Variants in DENND1A observed in about 807,000 individuals in gnomAD.
The protein encoded by DENND1A is DENN domain containing 1A.
Under a neutral mutation model 113.7 loss-of-function variants are expected in DENND1A, and 51 were observed. The ratio of observed to expected loss-of-function variants is 0.45; its 90% CI spans 0.36 to 0.57. The LOEUF is 0.57. Ranked by LOEUF, DENND1A falls within the 20% of genes least tolerant of loss-of-function variation. The pLI is 0.00. For synonymous variants in DENND1A, 565 were observed against 570.8 expected, an observed-to-expected ratio of 0.99 and a Z score of 0.14; for missense variants, 1,258 against 1,395.9, an observed-to-expected ratio of 0.90 and a Z score of 1.57.
intron 19 of DENND1A, among the ~76,000 whole-genome samples, chr9:123,420,429 AG>A (rs140172906): frequency 0.048 from 7,254 of 152,194 alleles, 229 homozygotes; most frequent in Middle Eastern, 0.078. Flanking sequence ...GAGGGGGATG[AG>A]GGGGTGCTCA....
At chr9:123,740,915 A>AGAGAGAGG (rs2068963854) in intron 5 of DENND1A, among the ~76,000 whole-genome samples, 1 of 142,818 alleles carries the variant, frequency 7.0e-6, no homozygotes, top group Non-Finnish European at 1.5e-5. Flanking sequence ...AGAGAGAGAG[A>AGAGAGAGG]GAGAGAGAGA....
intron 1 of DENND1A, among the ~76,000 whole-genome samples, chr9:123,890,036 T>C (rs1233685372): frequency 1.3e-5 from 2 of 152,096 alleles, no homozygotes; most frequent in African/African-American, 4.8e-5. Flanking sequence ...CAGTCAGTAA[T>C]AAAGTGAACA....
Position 123,779,645 on chromosome 9 carries a change from G to A in DENND1A, c.133-10082C>T, listed in dbSNP as rs1217718841. Among the ~76,000 whole-genome samples, 5 of 152,056 alleles carry A rather than the reference G, an allele frequency of 3.3e-5. No homozygotes were observed. In the East Asian group the frequency reaches 5.8e-4, roughly 18 times the overall value. On this transcript the variant is annotated intron_variant, in intron 3 of 23. Transcript: ENST00000394215. ...CTCCTGAGTACCTGAGACCATAGGC[G>A]CGGACTACCACGCTTGGCTAATTTT...
intron 22 of DENND1A, among the ~76,000 whole-genome samples, chr9:123,384,803 C>A (rs547648904): frequency 6.6e-6 from 1 of 151,962 alleles, no homozygotes; most frequent in African/African-American, 2.4e-5. Context: ...CAAAAATTTG[C>A]GGGGTGTGGT....
intron 2 of DENND1A, among the ~76,000 whole-genome samples, chr9:123,859,476 G>A (rs1215492864): frequency 6.6e-6 from 1 of 151,426 alleles, no homozygotes; most frequent in Non-Finnish European, 1.5e-5. Context: ...TAGGTTCAGA[G>A]AGGTTAAATT....
At chr9:123,636,568 C>T (rs552799522) in intron 9 of DENND1A, among the ~76,000 whole-genome samples, 1 of 152,224 alleles carries the variant, frequency 6.6e-6, no homozygotes, top group Non-Finnish European at 1.5e-5. Context: ...CCGCCCTCCT[C>T]GGCCTCCCAA....
chr9:123,507,497 A>C (rs2053056993), intron 13 of DENND1A, among the ~76,000 whole-genome samples: 1 of 152,180 alleles, frequency 6.6e-6, no homozygotes, highest in Admixed American at 6.5e-5. Context: ...GCCCTTCCAG[A>C]TATGTGAGAT....
intron 13 of DENND1A, among the ~76,000 whole-genome samples, chr9:123,488,502 T>C (rs760933707): frequency 7.9e-5 from 12 of 152,208 alleles, no homozygotes; most frequent in Admixed American, 2.0e-4. Context: ...ATGAAATCAT[T>C]CTCTTCTTGA....
At chr9:123,869,899 G>A (rs1398878829) in intron 2 of DENND1A, among the ~76,000 whole-genome samples, 3 of 151,764 alleles carry the variant, frequency 2.0e-5, no homozygotes, top group African/African-American at 7.3e-5. Context: ...GGCTGAGGTG[G>A]GAGGATCACC....
chr9:123,533,842 C>A (rs1244752109), intron 13 of DENND1A, among the ~76,000 whole-genome samples: 1 of 152,172 alleles, frequency 6.6e-6, no homozygotes, highest in African/African-American at 2.4e-5. Flanking sequence ...TCAAGCTGAA[C>A]CACTCCCTCT....
rs572963084 is a variant in DENND1A, at chr9:123,610,817, C to T, written c.720-1336G>A. On this transcript the variant is annotated intron_variant, in intron 10 of 23. Transcript: ENST00000394215. ...TAATGAGACAGGAGAGGTTTGCTTC[C>T]AACTGAATACTAAGGAGTTTAGGCT... is the stretch of plus-strand genomic sequence containing the variant. Among the ~76,000 whole-genome samples the T allele has an allele frequency of 3.3e-5, 5 of 152,182 alleles. No homozygotes were observed. In the East Asian group the frequency reaches 9.6e-4, roughly 29 times the overall value.
intron 1 of DENND1A, among the ~76,000 whole-genome samples, chr9:123,926,626 T>C (rs1476064426): frequency 6.9e-6 from 1 of 145,620 alleles, no homozygotes; most frequent in African/African-American, 2.5e-5. Context: ...GTAAACCATA[T>C]AATTTGCCTT....
intron 18 of DENND1A, among the ~76,000 whole-genome samples, chr9:123,445,625 T>C (rs1202885433): frequency 1.3e-5 from 2 of 152,132 alleles, no homozygotes; most frequent in Non-Finnish European, 2.9e-5. Flanking sequence ...AATCCCAGCA[T>C]GTTGGGAGGC....
intron 3 of DENND1A, 144 bp from the exon 4 acceptor site, chr9:123,769,707 G>C: frequency 1.8e-6 from 1 of 540,688 alleles, no homozygotes; most frequent in Non-Finnish European, 3.2e-6. Flanking sequence ...CATGGGAGGA[G>C]TACCAGGCAG....
chr9:123,845,769 CTTA>C (rs1391945097), intron 2 of DENND1A, among the ~76,000 whole-genome samples: 2 of 145,148 alleles, frequency 1.4e-5, no homozygotes, highest in African/African-American at 5.1e-5. Flanking sequence ...AACAAACAAA[CTTA>C]GAAGAAAACA....
intron 13 of DENND1A, among the ~76,000 whole-genome samples, chr9:123,524,223 G>A (rs897092184): frequency 5.3e-5 from 8 of 152,152 alleles, no homozygotes; most frequent in Admixed American, 6.6e-5. Context: ...CTGAGAATAG[G>A]GCATCCTACA....
chr9:123,780,499 C>T (rs1433681798), intron 3 of DENND1A, among the ~76,000 whole-genome samples: 1 of 152,168 alleles, frequency 6.6e-6, no homozygotes, highest in African/African-American at 2.4e-5. Flanking sequence ...AGTCTACATG[C>T]CTCCTTGTTT....
At chr9:123,847,911 G>A (rs1261047797) in intron 2 of DENND1A, among the ~76,000 whole-genome samples, 1 of 152,098 alleles carries the variant, frequency 6.6e-6, no homozygotes, top group Non-Finnish European at 1.5e-5. Flanking sequence ...TCCAGCTTGG[G>A]CGACAGAGCG....
At chr9:123,873,862 C>T (rs2133463350) in intron 2 of DENND1A, among the ~76,000 whole-genome samples, 1 of 152,192 alleles carries the variant, frequency 6.6e-6, no homozygotes, top group East Asian at 1.9e-4. Context: ...CCTGCCTCAG[C>T]CACCCGAGCA....
Sources: gnomAD v4.1 joint callset for allele counts (sites outside exome capture counted in the v4.1 genomes callset) on GRCh38, gnomAD v4.1.1 for gene constraint, MANE v1.5 for transcripts, NCBI Gene and HGNC (gene_info 2026-07-23, HGNC 2026-07-21) for gene names.